Variants in CNTNAP5 observed in about 807,000 individuals in gnomAD.
CNTNAP5 encodes the protein contactin associated protein family member 5.
A neutral mutation model predicts 150.2 loss-of-function variants in CNTNAP5; 72 were observed. The ratio of observed to expected loss-of-function variants is 0.48; its 90% confidence interval spans 0.40 to 0.58. CNTNAP5 has a LOEUF of 0.58. Ranked by LOEUF, CNTNAP5 falls within the 20% of genes least tolerant of loss-of-function variation. The probability of loss-of-function intolerance (pLI) is 0.00; values close to 1 mark genes in which losing one functional copy is unlikely to be tolerated. For missense variants in CNTNAP5, 1,636 were observed against 1,626.2 expected (o/e 1.01, Z -0.10); for synonymous variants, 672 against 619.8 (o/e 1.08, Z -1.25).
chr2:124,208,081 C>T (rs1685909244), intron 1 of CNTNAP5, among the ~76,000 whole-genome samples: 1 of 151,936 alleles, frequency 6.6e-6, no homozygotes, highest in African/African-American at 2.4e-5. Context: ...AGCCTGTCCC[C>T]AAAAAATCAT....
chr2:124,510,279 C>CATCTATATATA (rs1694532370), intron 8 of CNTNAP5, among the ~76,000 whole-genome samples: 3 of 70,998 alleles, frequency 4.2e-5, no homozygotes, highest in Non-Finnish European at 8.4e-5. Flanking sequence ...ATATCTATAT[C>CATCTATATATA]TATATCTATA....
chr2:124,533,600 T>G (rs2104897580), intron 10 of CNTNAP5, among the ~76,000 whole-genome samples: 1 of 152,132 alleles, frequency 6.6e-6, no homozygotes, highest in East Asian at 1.9e-4. Context: ...CTCTGAAAAG[T>G]TTTTGCAGCT....
chr2:124,348,539 A>C (rs1689795751), intron 3 of CNTNAP5, among the ~76,000 whole-genome samples: 1 of 152,184 alleles, frequency 6.6e-6, no homozygotes, highest in African/African-American at 2.4e-5. Flanking sequence ...TAGTTTGCTA[A>C]TTACTAAAAC....
Position 124,527,330 on chromosome 2 carries a change from A to G in CNTNAP5, c.1523A>G (p.Lys508Arg). Residue 508 changes from lysine (K) to arginine (R), a missense_variant, in exon 10 of 24, where the codon AAG becomes AGG. Transcript: ENST00000682447. Reference sequence around the variant, plus strand: ...GATTCCCAATGTTTAAATCCCATTAAGGCTTTCCAAGGCTGCATGAGGCTC... The same window carrying G: ...GATTCCCAATGTTTAAATCCCATTAGGGCTTTCCAAGGCTGCATGAGGCTC... ...LTDSQCLNPIKAFQGCMRLIF... is the reference protein window; with the variant it reads ...LTDSQCLNPIRAFQGCMRLIF... 1 of 1,613,792 alleles carries G rather than the reference A, an allele frequency of 6.2e-7. No homozygotes were observed.
At chr2:124,445,831 C>T (rs528883832) in intron 5 of CNTNAP5, among the ~76,000 whole-genome samples, 12 of 152,268 alleles carry the variant, frequency 7.9e-5, no homozygotes, top group South Asian at 4.1e-4. Flanking sequence ...TATACACAAA[C>T]GTTAGTTCTA....
chr2:124,350,736 G>A (rs890205657), intron 3 of CNTNAP5, among the ~76,000 whole-genome samples: 4 of 151,932 alleles, frequency 2.6e-5, no homozygotes, highest in Admixed American at 1.3e-4. Flanking sequence ...GTATATGTAA[G>A]GTTATATATT....
At chr2:124,363,042 T>C (rs1690261279) in intron 3 of CNTNAP5, among the ~76,000 whole-genome samples, 1 of 152,152 alleles carries the variant, frequency 6.6e-6, no homozygotes, top group South Asian at 2.1e-4. Flanking sequence ...AGAAAACATA[T>C]TAAGCAAGCA....
chr2:124,652,350 C>T (rs1397581655), intron 13 of CNTNAP5, among the ~76,000 whole-genome samples: 2 of 152,110 alleles, frequency 1.3e-5, no homozygotes, highest in East Asian at 1.9e-4. Flanking sequence ...GGGAGAATCA[C>T]CACAGCCTGC....
intron 1 of CNTNAP5, among the ~76,000 whole-genome samples, chr2:124,094,878 A>G (rs901108571): frequency 1.3e-5 from 2 of 152,132 alleles, no homozygotes; most frequent in Non-Finnish European, 2.9e-5. Flanking sequence ...GTGTGAGACT[A>G]TGGAACAGTA....
At chr2:124,140,154 G>A (rs1356764440) in intron 1 of CNTNAP5, among the ~76,000 whole-genome samples, 4 of 150,910 alleles carry the variant, frequency 2.7e-5, no homozygotes, top group Non-Finnish European at 5.9e-5. Context: ...ACGGAATCTC[G>A]CTGATTGCTA....
chr2:124,638,200 A>G (rs971823311), intron 12 of CNTNAP5, among the ~76,000 whole-genome samples: 4 of 147,760 alleles, frequency 2.7e-5, no homozygotes, highest in Admixed American at 6.8e-5. Context: ...AGATATATAT[A>G]ATACATATAT....
intron 3 of CNTNAP5, among the ~76,000 whole-genome samples, chr2:124,414,677 G>T (rs1004641828): frequency 6.6e-6 from 1 of 152,020 alleles, no homozygotes; most frequent in Non-Finnish European, 1.5e-5. Context: ...TGGAGCATGC[G>T]ATCAAATTTT....
At chr2:124,207,706 T>C (rs1283103878) in intron 1 of CNTNAP5, among the ~76,000 whole-genome samples, 1 of 152,172 alleles carries the variant, frequency 6.6e-6, no homozygotes, top group Non-Finnish European at 1.5e-5. Context: ...TGTTATTTGA[T>C]TGCTAAAGGT....
chr2:124,025,527 G>A lies in CNTNAP5; in HGVS notation c.-124G>A. 1 of 750,966 alleles carries A rather than the reference G, an allele frequency of 1.3e-6. No homozygotes were observed. Among genetic ancestry groups the A allele is most frequent in the Non-Finnish European group, 2.3e-6 (1 of 430,860 alleles). The allele number at this position is 750,966 out of a possible 1,614,324, so 46.5% of individuals were successfully genotyped here. ...GGCACGGGATGGAGTGAAAGAGCGA[G>A]TGCCTCTCCAAGCGGGGGTGGGAGG... is the stretch of plus-strand genomic sequence containing the variant. On this transcript the variant is annotated 5_prime_UTR_variant, in exon 1 of 24. It adds an upstream start codon to the 5' untranslated region. Coordinates refer to ENST00000682447, the MANE Select transcript of CNTNAP5 (RefSeq NM_001367498.1).
chr2:124,031,809 T>C (rs1172719855), intron 1 of CNTNAP5, among the ~76,000 whole-genome samples: 2 of 152,326 alleles, frequency 1.3e-5, no homozygotes, highest in African/African-American at 4.8e-5. Context: ...GTTTGGGTTA[T>C]ACTCAATGGG....
intron 8 of CNTNAP5, among the ~76,000 whole-genome samples, chr2:124,517,393 G>A (rs1319419685): frequency 6.6e-6 from 1 of 151,448 alleles, no homozygotes; most frequent in Non-Finnish European, 1.5e-5. Context: ...AAGAGGGGTT[G>A]TGTTGTTGGT....
chr2:124,296,730 TA>T (rs1003239584), intron 3 of CNTNAP5, among the ~76,000 whole-genome samples: 1 of 151,990 alleles, frequency 6.6e-6, no homozygotes, highest in African/African-American at 2.4e-5. Context: ...GAAATAAAAT[TA>T]AAAAAATGAA....
At chr2:124,414,855 C>G (rs1036146125) in intron 3 of CNTNAP5, among the ~76,000 whole-genome samples, 1 of 152,036 alleles carries the variant, frequency 6.6e-6, no homozygotes, top group African/African-American at 2.4e-5. Context: ...CCTACGGACT[C>G]ACATGCCTGG....
chr2:124,763,741 C>G lies in CNTNAP5; in HGVS notation c.2304C>G (p.Thr768=). ...TCACTCAGATAGTTATCACTGATAC[C>G]GACAGATCAAACTCAGAAGCCGCTT... ...LPVTQIVITD[T]DRSNSEAAWR... Residue 768 remains threonine, a synonymous_variant, in exon 15 of 24, where the codon ACC becomes ACG. Transcript: ENST00000682447. The G allele has an allele frequency of 6.2e-7, 1 of 1,612,858 alleles. No homozygotes were observed. The highest frequency in any genetic ancestry group is 8.5e-7 in the Non-Finnish European group (1 of 1,179,356).
Sources: gnomAD v4.1 joint callset for allele counts (sites outside exome capture counted in the v4.1 genomes callset) on GRCh38, gnomAD v4.1.1 for gene constraint, MANE v1.5 for transcripts, NCBI Gene and HGNC (gene_info 2026-07-23, HGNC 2026-07-21) for gene names.